Variants in ZFYVE9 observed in about 807,000 individuals in gnomAD.
ZFYVE9 encodes zinc finger FYVE domain-containing protein 9.
In ZFYVE9, 43 loss-of-function variants were observed where a neutral mutation model predicts 126.7. The ratio of observed to expected loss-of-function variants is 0.34; its 90% CI spans 0.27 to 0.44. The LOEUF is 0.44. Among genes scored for constraint, ZFYVE9 ranks in the 20% least tolerant of loss-of-function variants. The pLI is 1.00. For synonymous variants in ZFYVE9, 521 were observed against 597.4 expected (o/e 0.87, Z 1.87); for missense variants, 1,476 against 1,697.0 (o/e 0.87, Z 2.29).
chr1:52,162,422 C>T (rs932387365), intron 1 of ZFYVE9: 38 of 270,690 alleles, frequency 1.4e-4, no homozygotes, highest in African/African-American at 7.4e-4. Context: ...TATAGGTGTG[C>T]GCATTGTCTT....
At chr1:52,259,479 TATATA>T (rs1054333959) in intron 4 of ZFYVE9, among the ~76,000 whole-genome samples, 41 of 151,824 alleles carry the variant, frequency 2.7e-4, no homozygotes, top group African/African-American at 9.9e-4. Context: ...TTTAAAAAAT[TATATA>T]AAGTAAAAGG....
chr1:52,318,961 A>G (rs1478136522), intron 13 of ZFYVE9, among the ~76,000 whole-genome samples: 2 of 152,100 alleles, frequency 1.3e-5, no homozygotes, highest in African/African-American at 4.8e-5. Flanking sequence ...GCCAGGTGTC[A>G]TGGCACATGC....
At chr1:52,225,329 C>A (rs1265836879) in intron 2 of ZFYVE9, among the ~76,000 whole-genome samples, 1 of 152,192 alleles carries the variant, frequency 6.6e-6, no homozygotes, top group Admixed American at 6.5e-5. Flanking sequence ...AATCACTAGC[C>A]CCTCCCAAAG....
intron 2 of ZFYVE9, among the ~76,000 whole-genome samples, chr1:52,216,718 C>T (rs929169480): frequency 2.0e-5 from 3 of 152,006 alleles, no homozygotes; most frequent in Admixed American, 6.6e-5. Context: ...CTGGCTCCTT[C>T]GTTTTAGAGT....
chr1:52,288,750 AC>A (rs1645888024), intron 10 of ZFYVE9, among the ~76,000 whole-genome samples: 1 of 151,968 alleles, frequency 6.6e-6, no homozygotes, highest in Admixed American at 6.6e-5. Flanking sequence ...CAATGGCTAA[AC>A]CCTGTCTCTG....
In ZFYVE9 at chr1:52,340,241, T is replaced by C. The variant is rs758634506; in HGVS notation, c.3939+10T>C. On this transcript the variant is annotated intron_variant, in intron 17 of 18. Transcript: ENST00000287727. ...AATCAGATGGACAGAGGTAAGGAAA[T>C]GAAACTTGGCATACTTGACCCACTT... 6.2e-7 allele frequency: 1 copy of C among 1,608,160 alleles called. No homozygotes were observed. The highest frequency in any genetic ancestry group is 8.5e-7 in the Non-Finnish European group (1 of 1,175,312).
intron 4 of ZFYVE9, among the ~76,000 whole-genome samples, chr1:52,254,683 T>C (rs1645486571): frequency 6.6e-6 from 1 of 152,154 alleles, no homozygotes; most frequent in African/African-American, 2.4e-5. Flanking sequence ...AATTGGATAA[T>C]GGGCCAGGTG....
At chr1:52,179,192 A>G (rs1394161317) in intron 1 of ZFYVE9, among the ~76,000 whole-genome samples, 2 of 152,194 alleles carry the variant, frequency 1.3e-5, no homozygotes, top group Non-Finnish European at 2.9e-5. Flanking sequence ...TGAGTGTATC[A>G]TTCAGGCTTA....
intron 2 of ZFYVE9, among the ~76,000 whole-genome samples, chr1:52,217,304 G>C (rs1311172142): frequency 6.6e-6 from 1 of 152,172 alleles, no homozygotes; most frequent in Non-Finnish European, 1.5e-5. Flanking sequence ...TGAAGGGGCG[G>C]GGTGGGTAAA....
At chr1:52,316,771 A>G (rs1158205526) in intron 13 of ZFYVE9, among the ~76,000 whole-genome samples, 1 of 152,212 alleles carries the variant, frequency 6.6e-6, no homozygotes, top group African/African-American at 2.4e-5. Flanking sequence ...ACCCTGTGTC[A>G]CTAATTGAAG....
chr1:52,237,809 T>C lies in ZFYVE9; in HGVS notation c.392T>C (p.Val131Ala). ...SWDDQCSAVE[V>A]GEKKCGNLAC... is the part of the protein sequence containing the mutation. ...GATGATCAATGCAGTGCTGTTGAAG[T>C]GGGAGAGAAGAAATGTGGAAACCTG... is the stretch of plus-strand genomic sequence containing the variant. Residue 131 changes from valine to alanine, a missense_variant, in exon 4 of 19, where the codon GTG (valine) becomes GCG (alanine). Coordinates refer to ENST00000287727, the MANE Select transcript of ZFYVE9 (RefSeq NM_004799.4). 6.2e-7 allele frequency: 1 copy of C among 1,614,010 alleles called. No individual in the cohort carries two copies. The highest frequency in any genetic ancestry group is 8.5e-7 in the Non-Finnish European group (1 of 1,179,962).
At position 52,175,236 on chromosome 1, in the gene ZFYVE9, A is replaced by T. The variant is rs544851492; in HGVS notation, c.-143+32833A>T. ...ATCTCTCAGCATTTGCTTGTCTGTAAAGTATTTTATTTCTCCTTCACTTAT... is the reference window on the plus strand; with the variant it reads ...ATCTCTCAGCATTTGCTTGTCTGTATAGTATTTTATTTCTCCTTCACTTAT... On this transcript the variant is annotated intron_variant, in intron 1 of 18. Coordinates refer to ENST00000287727, the MANE Select transcript of ZFYVE9 (RefSeq NM_004799.4). 2.9e-4 allele frequency among the ~76,000 whole-genome samples: 44 copies of T among 150,350 alleles called. No homozygotes were observed. The East Asian group carries it at 8.2e-3, about 28-fold the overall frequency.
At chr1:52,162,993 C>G (rs1218544705) in intron 1 of ZFYVE9, 10 of 333,132 alleles carry the variant, frequency 3.0e-5, no homozygotes, top group Non-Finnish European at 5.7e-5. Context: ...GACTCATTTA[C>G]TTAGGACCCA....
intron 2 of ZFYVE9, among the ~76,000 whole-genome samples, chr1:52,230,342 G>A (rs917884528): frequency 7.2e-5 from 11 of 152,034 alleles, no homozygotes; most frequent in Non-Finnish European, 1.5e-4. Context: ...CGTCCTCCCA[G>A]TGTGCAGTGC....
chr1:52,250,771 A>G (rs1396777592), intron 4 of ZFYVE9, among the ~76,000 whole-genome samples: 3 of 149,936 alleles, frequency 2.0e-5, no homozygotes, highest in Non-Finnish European at 4.4e-5. Context: ...GTGCACTGCC[A>G]TGATCTCAGC....
chr1:52,311,151 G>A lies in ZFYVE9; in HGVS notation c.3438+7226G>A, dbSNP rs141811756. On this transcript the variant is annotated intron_variant, in intron 13 of 18. Transcript: ENST00000287727. ...CAAAGTGCTGAGATTACAAGCATGA[G>A]CCACCATGTCTGGCAATGACTGTTA... Among the ~76,000 whole-genome samples the A allele has an allele frequency of 3.3e-5, 5 of 152,200 alleles. No homozygotes were observed. In the East Asian group the frequency reaches 5.8e-4, roughly 18 times the overall value.
At chr1:52,331,861 C>T (rs1196214388) in intron 13 of ZFYVE9, among the ~76,000 whole-genome samples, 2 of 150,126 alleles carry the variant, frequency 1.3e-5, no homozygotes, top group East Asian at 4.0e-4. Context: ...TCACTGCAAG[C>T]TCCGCCTCCC....
intron 8 of ZFYVE9, among the ~76,000 whole-genome samples, chr1:52,278,274 A>G (rs1421392714): frequency 6.6e-6 from 1 of 152,176 alleles, no homozygotes; most frequent in Non-Finnish European, 1.5e-5. Context: ...CAGGATAACC[A>G]CATTATCATC....
intron 2 of ZFYVE9, among the ~76,000 whole-genome samples, chr1:52,218,211 T>A (rs1051351581): frequency 6.6e-6 from 1 of 152,108 alleles, no homozygotes. Flanking sequence ...GCCAGTTGAA[T>A]CAGAGCACAA....
Sources: gnomAD v4.1 joint callset for allele counts (sites outside exome capture counted in the v4.1 genomes callset) on GRCh38, gnomAD v4.1.1 for gene constraint, MANE v1.5 for transcripts, NCBI Gene and HGNC (gene_info 2026-07-23, HGNC 2026-07-21) for gene names.